The following POGLUT3 variants were observed in gnomAD, a reference collection of about 807,000 sequenced individuals.
POGLUT3 encodes protein O-glucosyltransferase 3.
In POGLUT3, 48 loss-of-function variants were observed where a neutral mutation model predicts 54.3. The observed-to-expected ratio is 0.88, with a 90% CI of 0.70 to 1.12. POGLUT3 has a LOEUF of 1.12. POGLUT3 is among the 50% of genes most tolerant of loss of function. POGLUT3 has a pLI of 0.00. For synonymous variants in POGLUT3, 218 were observed against 237.4 expected, an observed-to-expected ratio of 0.92 and a Z score of 0.75; for missense variants, 629 against 618.7, an observed-to-expected ratio of 1.02 and a Z score of -0.18.
chr11:108,481,096 A>C, intron 5 of POGLUT3, 84 bp downstream of exon 5: 1 of 1,018,204 alleles, frequency 9.8e-7, no homozygotes, highest in South Asian at 1.5e-5. Context: ...AGCCAGGTGA[A>C]ATTTGCTGAA....
At chr11:108,478,484 G>A (rs1055886112) in intron 6 of POGLUT3, among the ~76,000 whole-genome samples, 12 of 152,270 alleles carry the variant, frequency 7.9e-5, no homozygotes, top group East Asian at 5.8e-4. Context: ...ATGCAAATAC[G>A]CAGTCAACGT....
rs143103987 is a variant in POGLUT3, at chr11:108,489,114, G to C, written c.400+1856C>G. ...GGTGAAAACTACACTGTATAGGATT[G>C]ACAACAGATCGTACATTGCAGAAGA... On this transcript the variant is annotated intron_variant, in intron 2 of 7. Coordinates refer to ENST00000323468, the MANE Select transcript of POGLUT3 (RefSeq NM_153705.5). 3.9e-3 allele frequency among the ~76,000 whole-genome samples: 601 copies of C among 152,236 alleles called. 17 individuals are homozygous for C. The highest frequency in any genetic ancestry group is 1.4e-3 in the East Asian group (7 of 5,178).
Position 108,498,345 on chromosome 11 carries a change from G to T in POGLUT3, c.22C>A (p.Leu8Met). MRRLPRA[L>M]LLQLRLALLV... ...AGGGCGAGGCGCAGCTGCAGCAGCA[G>T]GGCCCGCGGGAGGCGGCGCATGGTC... is the stretch of plus-strand genomic sequence containing the variant. The change falls in exon 1 of 8, where the codon CTG becomes ATG. Residue 8 changes from leucine to methionine, a missense_variant. By Grantham distance (15) the Leu-to-Met change is conservative. Coordinates refer to ENST00000323468, the MANE Select transcript of POGLUT3 (RefSeq NM_153705.5). The T allele has an allele frequency of 3.0e-6, 4 of 1,334,252 alleles. No homozygotes were observed. Among genetic ancestry groups the T allele is most frequent in the Non-Finnish European group, 3.8e-6 (4 of 1,045,422 alleles). The allele number at this position is 1,334,252 out of a possible 1,614,324, so 82.7% of individuals were successfully genotyped here.
chr11:108,488,704 A>G (rs1009036452), intron 2 of POGLUT3, among the ~76,000 whole-genome samples: 10 of 152,204 alleles, frequency 6.6e-5, no homozygotes, highest in Non-Finnish European at 1.5e-4. Flanking sequence ...TTAATTATTT[A>G]GGTATAACAT....
chr11:108,480,634 T>C (rs948452490), intron 5 of POGLUT3, among the ~76,000 whole-genome samples: 3 of 152,132 alleles, frequency 2.0e-5, no homozygotes, highest in Non-Finnish European at 4.4e-5. Flanking sequence ...TCAGGTTTTG[T>C]CACATTGTTC....
At chr11:108,485,611 A>T (rs1010947760) in intron 3 of POGLUT3, among the ~76,000 whole-genome samples, 1 of 151,770 alleles carries the variant, frequency 6.6e-6, no homozygotes, top group African/African-American at 2.4e-5. Context: ...CCTACCTGGG[A>T]TGGGGGCTCA....
Position 108,498,241 on chromosome 11 carries a change from G to A in POGLUT3, c.126C>T (p.Ala42=), listed in dbSNP as rs990026269. ...AGAAATAGCGGACCGGCAGGACGAC[G>A]GCCGCCTGCAGCCCGGGCCCCCACA... is the stretch of plus-strand genomic sequence containing the variant. ...SLVWGPGLQA[A]VVLPVRYFYL... The change falls in exon 1 of 8, where the codon GCC becomes GCT. Residue 42 remains alanine, a synonymous_variant. Transcript: ENST00000323468. 6 of 1,510,030 alleles carry A rather than the reference G, an allele frequency of 4.0e-6. No individual in the cohort carries two copies. The South Asian group carries it at 6.3e-5, about 16-fold the overall frequency. The allele number at this position is 1,510,030 out of a possible 1,614,324, so 93.5% of individuals were successfully genotyped here.
intron 7 of POGLUT3, among the ~76,000 whole-genome samples, chr11:108,477,266 G>A (rs2093583662): frequency 6.6e-6 from 1 of 152,158 alleles, no homozygotes; most frequent in Non-Finnish European, 1.5e-5. Flanking sequence ...GCTGGGCATG[G>A]TGGCGTGTAC....
In POGLUT3 at chr11:108,474,802, C is replaced by A; in HGVS notation, c.*25G>T. ...CTTTCCTTAAAGTGTAGCCGGGATA[C>A]ACAGGAGTGTGATTCTGGGCTGACT... On this transcript the variant is annotated 3_prime_UTR_variant, in exon 8 of 8. Transcript: ENST00000323468. 6 of 1,613,342 alleles carry A rather than the reference C, an allele frequency of 3.7e-6. No homozygotes were observed. The highest frequency in any genetic ancestry group is 5.1e-6 in the Non-Finnish European group (6 of 1,179,596).
Position 108,478,333 on chromosome 11 carries a change from C to T in POGLUT3, c.1294-622G>A, listed in dbSNP as rs911011617. Reference sequence around the variant, plus strand: ...CACAGTGCAACAACCCACATGCAGCCCCTATTGTGACCATCTTGGTACCTT... The same window carrying T: ...CACAGTGCAACAACCCACATGCAGCTCCTATTGTGACCATCTTGGTACCTT... On this transcript the variant is annotated intron_variant, in intron 6 of 7. Coordinates refer to ENST00000323468, the MANE Select transcript of POGLUT3 (RefSeq NM_153705.5). Among the ~76,000 whole-genome samples the T allele has an allele frequency of 2.0e-5, 3 of 152,092 alleles. No homozygotes were observed. In the South Asian group the frequency reaches 6.2e-4, roughly 31 times the overall value.
chr11:108,491,463 C>G, intron 1 of POGLUT3: 2 of 508,628 alleles, frequency 3.9e-6, no homozygotes, highest in Non-Finnish European at 6.9e-6. Context: ...CATGAACCTC[C>G]TGCCTCAACC....
intron 2 of POGLUT3, among the ~76,000 whole-genome samples, chr11:108,490,303 T>C (rs1259597120): frequency 1.3e-5 from 2 of 152,164 alleles, no homozygotes; most frequent in East Asian, 3.9e-4. Context: ...GTTCAAGCGA[T>C]TCTCCAGCCT....
In POGLUT3 at chr11:108,479,504, T is replaced by C; in HGVS notation, c.1099-9A>G. ...TTTACTTGATACTTGTACTGGAAGA[T>C]GAAAAACAAACATAAACAAACTTTC... On this transcript the variant is annotated splice_polypyrimidine_tract_variant and intron_variant, in intron 5 of 7. Transcript: ENST00000323468. The C allele has an allele frequency of 6.3e-7, 1 of 1,575,980 alleles. No homozygotes were observed. The highest frequency in any genetic ancestry group is 1.7e-4 in the Middle Eastern group (1 of 5,918).
In POGLUT3 at chr11:108,498,187, C is replaced by G; in HGVS notation, c.180G>C (p.Gln60His). 6.6e-7 allele frequency: 1 copy of G among 1,520,326 alleles called. No individual in the cohort carries two copies. The highest frequency in any genetic ancestry group is 8.8e-7 in the Non-Finnish European group (1 of 1,135,840). 94.2% of individuals were successfully genotyped at this position (1,520,326 alleles called of 1,614,324 possible). Residue 60 changes from glutamine to histidine, a missense_variant, in exon 1 of 8, where the codon CAG becomes CAC. Physicochemically the swap from Gln to His is conservative, Grantham distance 24. Coordinates refer to ENST00000323468, the MANE Select transcript of POGLUT3 (RefSeq NM_153705.5). Reference protein sequence around the residue: ...FYLQAVNSEGQNLTRSPAGET... With the variant: ...FYLQAVNSEGHNLTRSPAGET... ...TACCTGCGGGAGAGCGAGTGAGGTT[C>G]TGGCCCTCCGAGTTGACCGCCTGCA...
chr11:108,473,694 G>A lies in POGLUT3; in HGVS notation c.*1133C>T, dbSNP rs2093574539. 6.6e-6 allele frequency: 1 copy of A among 152,134 alleles called. No individual in the cohort carries two copies. Among genetic ancestry groups the A allele is most frequent in the African/African-American group, 2.4e-5 (1 of 41,420 alleles). 9.4% of individuals were successfully genotyped at this position (152,134 alleles called of 1,614,324 possible). On this transcript the variant is annotated 3_prime_UTR_variant, in exon 8 of 8. Transcript: ENST00000323468. The stretch of plus-strand genomic sequence containing the variant: ...ATCCCCTTTTCAGCTTAAAAATAAT[G>A]AATGCCTTTCACCTGACTACAGTTA...
intron 7 of POGLUT3, 62 bp from the exon 8 acceptor site, chr11:108,475,014 C>A (rs2093577922): frequency 1.3e-6 from 2 of 1,550,342 alleles, no homozygotes; most frequent in Non-Finnish European, 1.8e-6. Flanking sequence ...TTGACTCCCC[C>A]ACCCACTCCC....
rs1447538106 is a variant in POGLUT3, at chr11:108,474,114, A to G, written c.*713T>C. The G allele has an allele frequency of 1.3e-5, 2 of 152,202 alleles. No individual in the cohort carries two copies. The highest frequency in any genetic ancestry group is 3.8e-4 in the East Asian group (2 of 5,198). 9.4% of individuals were successfully genotyped at this position (152,202 alleles called of 1,614,324 possible). ...TTTTCTCTTCATAATTGGAAGTGGA[A>G]GAGAAAAAGTGAACAGGGGATAGAA... On this transcript the variant is annotated 3_prime_UTR_variant, in exon 8 of 8. Transcript: ENST00000323468.
rs181523766 is a variant in POGLUT3, at chr11:108,492,701, C to T, written c.203-1534G>A. On this transcript the variant is annotated intron_variant, in intron 1 of 7. Transcript: ENST00000323468. The stretch of plus-strand genomic sequence containing the variant: ...TAAATATTAATAATCGAGTACCAAA[C>T]ATATACATTTTAGGATCCTTGAAAC... Among the ~76,000 whole-genome samples the T allele has an allele frequency of 5.3e-5, 8 of 152,152 alleles. No individual in the cohort carries two copies. The East Asian group carries it at 1.5e-3, about 29-fold the overall frequency.
intron 3 of POGLUT3, among the ~76,000 whole-genome samples, chr11:108,484,022 T>C (rs2093597853): frequency 6.6e-6 from 1 of 152,100 alleles, no homozygotes. Flanking sequence ...AAGTGCTCAC[T>C]GTGGAGTAGG....
Sources: gnomAD v4.1 joint callset for allele counts (sites outside exome capture counted in the v4.1 genomes callset) on GRCh38, gnomAD v4.1.1 for gene constraint, MANE v1.5 for transcripts, NCBI Gene and HGNC (gene_info 2026-07-23, HGNC 2026-07-21) for gene names.